The following ADCYAP1R1 variants were observed in gnomAD, a reference collection of about 807,000 sequenced individuals.
ADCYAP1R1 encodes ADCYAP receptor type I.
Under a neutral mutation model 67.6 loss-of-function variants are expected in ADCYAP1R1, and 44 were observed. The ratio of observed to expected loss-of-function variants is 0.65; its 90% CI spans 0.51 to 0.84. The LOEUF (loss-of-function observed/expected upper bound fraction) is 0.84, where lower values mean the gene tolerates loss of function less well. Among genes scored for constraint, ADCYAP1R1 ranks in the 40% least tolerant of loss-of-function variants. The pLI is 0.00. For missense variants in ADCYAP1R1, 477 were observed against 587.9 expected, an observed-to-expected ratio of 0.81 and a Z score of 1.95; for synonymous variants, 222 against 219.6, an observed-to-expected ratio of 1.01 and a Z score of -0.10.
chr7:31,094,054 G>C (rs1223986539), intron 13 of ADCYAP1R1, among the ~76,000 whole-genome samples: 1 of 152,174 alleles, frequency 6.6e-6, no homozygotes, highest in Non-Finnish European at 1.5e-5. Context: ...TGGGGGACTA[G>C]CACAGGGCCT....
intron 13 of ADCYAP1R1, among the ~76,000 whole-genome samples, chr7:31,098,205 C>T (rs946817975): frequency 6.6e-6 from 1 of 152,298 alleles, no homozygotes; most frequent in East Asian, 1.9e-4. Context: ...CTGAGACTAA[C>T]CAACTTTTCA....
In ADCYAP1R1 at chr7:31,104,904, G is replaced by A. The variant is rs1796577212; in HGVS notation, c.1213G>A (p.Gly405Ser). 1 of 1,614,064 alleles carries A rather than the reference G, an allele frequency of 6.2e-7. No individual in the cohort carries two copies. The change falls in exon 15 of 16, where the codon GGT becomes AGT. Residue 405 changes from glycine to serine, a missense_variant. Coordinates refer to ENST00000304166, the MANE Select transcript of ADCYAP1R1 (RefSeq NM_001118.5). The part of the protein sequence containing the change: ...VVAVLYCFLN[G>S]EVQAEIKRKW... Reference sequence around the variant, plus strand: ...GGCTGTTCTCTACTGTTTTCTGAATGGTGAGGTAAGACCTTGGCCCTCTGG... The same window carrying A: ...GGCTGTTCTCTACTGTTTTCTGAATAGTGAGGTAAGACCTTGGCCCTCTGG...
chr7:31,084,215 G>C lies in ADCYAP1R1; in HGVS notation c.403G>C (p.Gly135Arg). Reference protein sequence around the residue: ...EPFPHYFDACGFDEYESETGD... With the variant: ...EPFPHYFDACRFDEYESETGD... ...CTTCCCTCATTACTTTGATGCCTGT[G>C]GGTTTGATGAATATGAATCTGAGAC... Residue 135 changes from glycine (G) to arginine (R), a missense_variant, in exon 7 of 16, where the codon GGG becomes CGG. Gly to Arg is a moderately radical substitution (Grantham distance 125, BLOSUM62 -2). Transcript: ENST00000304166. The C allele has an allele frequency of 6.2e-7, 1 of 1,614,152 alleles. No homozygotes were observed. Among genetic ancestry groups the C allele is most frequent in the Non-Finnish European group, 8.5e-7 (1 of 1,180,032 alleles).
At position 31,102,690 on chromosome 7, in the gene ADCYAP1R1, G is replaced by T. The variant is rs879745899; in HGVS notation, c.1047-547G>T. 6.6e-6 allele frequency among the ~76,000 whole-genome samples: 1 copy of T among 152,060 alleles called. No individual in the cohort carries two copies. Among genetic ancestry groups the T allele is most frequent in the African/African-American group, 2.4e-5 (1 of 41,410 alleles). On this transcript the variant is annotated intron_variant, in intron 13 of 15. Coordinates refer to ENST00000304166, the MANE Select transcript of ADCYAP1R1 (RefSeq NM_001118.5). This position sits in a 1 kb window ranked among gnomAD's most constrained non-coding sequence, Gnocchi z 4.3. ...GTAAGTTCCTCCTAGAATCCCTCCC[G>T]AGTTTCTTCCTCTGTGATCCACTCA...
At chr7:31,071,029 C>T (rs1027099875) in intron 3 of ADCYAP1R1, among the ~76,000 whole-genome samples, 2 of 152,142 alleles carry the variant, frequency 1.3e-5, no homozygotes, top group Admixed American at 6.5e-5. Context: ...TTGTTTTTAC[C>T]CTTAGATTGC....
At chr7:31,099,235 G>A (rs1459343764) in intron 13 of ADCYAP1R1, among the ~76,000 whole-genome samples, 1 of 152,170 alleles carries the variant, frequency 6.6e-6, no homozygotes, top group Non-Finnish European at 1.5e-5. Context: ...GTGCCCAAAG[G>A]TGCTCCTCTC....
chr7:31,077,826 GTGTT>G (rs1196139387), intron 3 of ADCYAP1R1, among the ~76,000 whole-genome samples, 161 bp from the exon 4 acceptor site: 3 of 142,070 alleles, frequency 2.1e-5, no homozygotes, highest in South Asian at 2.2e-4. Flanking sequence ...TGTGTGATGT[GTGTT>G]TGTTGGTGTT....
intron 13 of ADCYAP1R1, among the ~76,000 whole-genome samples, chr7:31,099,008 C>A (rs1796327130): frequency 6.6e-6 from 1 of 152,216 alleles, no homozygotes; most frequent in Admixed American, 6.5e-5. Context: ...TACAGCTCAT[C>A]ATCTATCTCT....
intron 3 of ADCYAP1R1, among the ~76,000 whole-genome samples, chr7:31,066,773 G>A (rs1794755292): frequency 6.6e-6 from 1 of 152,206 alleles, no homozygotes; most frequent in Admixed American, 6.5e-5. Flanking sequence ...CCTTGAGCTA[G>A]GCCCAAGGGA....
At chr7:31,099,998 C>T (rs1191874342) in intron 13 of ADCYAP1R1, 1 of 863,214 alleles carries the variant, frequency 1.2e-6, no homozygotes, top group African/African-American at 1.7e-5. Context: ...TTGGCTCCCT[C>T]ATTCTCCTCC....
intron 12 of ADCYAP1R1, among the ~76,000 whole-genome samples, chr7:31,088,283 G>A (rs183100769): frequency 5.3e-5 from 8 of 152,104 alleles, no homozygotes; most frequent in African/African-American, 1.4e-4. Context: ...GATTTTATTA[G>A]TTACAGTTTA....
At chr7:31,090,861 A>T (rs922795154) in intron 12 of ADCYAP1R1, among the ~76,000 whole-genome samples, 1 of 152,228 alleles carries the variant, frequency 6.6e-6, no homozygotes, top group Admixed American at 6.5e-5. Context: ...GCTACTGTGA[A>T]TAGTGCTGTG....
intron 3 of ADCYAP1R1, among the ~76,000 whole-genome samples, chr7:31,067,885 C>T (rs1357722282): frequency 6.6e-6 from 1 of 152,212 alleles, no homozygotes; most frequent in Non-Finnish European, 1.5e-5. Flanking sequence ...TAGGAGCTGT[C>T]ATCTTGGAGT....
At chr7:31,100,782 C>T (rs1796403909) in intron 13 of ADCYAP1R1, among the ~76,000 whole-genome samples, 2 of 152,300 alleles carry the variant, frequency 1.3e-5, no homozygotes, top group South Asian at 4.1e-4. Context: ...AGGATTTGAA[C>T]CCAGAGAATC....
chr7:31,081,655 A>G, intron 5 of ADCYAP1R1, 58 bp from the exon 6 acceptor site: 1 of 1,421,904 alleles, frequency 7.0e-7, no homozygotes, highest in South Asian at 1.4e-5. Flanking sequence ...GTGGAGAGTA[A>G]ACAGTAGCTA....
In ADCYAP1R1 at chr7:31,086,530, T is replaced by G. The variant is rs1184912694; in HGVS notation, c.816T>G (p.Ile272Met). 6.2e-7 allele frequency: 1 copy of G among 1,614,208 alleles called. No homozygotes were observed. Reference protein sequence around the residue: ...ERRYFYWYTIIGWGTPTVCVT... With the variant: ...ERRYFYWYTIMGWGTPTVCVT... ...GATACTTCTACTGGTACACCATCAT[T>G]GGCTGGGGTAGGTTCCTGGCTGTGG... Residue 272 changes from isoleucine (I) to methionine (M), a missense_variant, in exon 10 of 16, where the codon ATT becomes ATG. Coordinates refer to ENST00000304166, the MANE Select transcript of ADCYAP1R1 (RefSeq NM_001118.5). The surrounding 1 kb of genome is among the most constrained non-coding windows in gnomAD (Gnocchi z 5.0).
Position 31,108,946 on chromosome 7 carries a change from C to T in ADCYAP1R1, c.*2262C>T, listed in dbSNP as rs1404888444. On this transcript the variant is annotated 3_prime_UTR_variant, in exon 16 of 16. Transcript: ENST00000304166. ...TGATGTATAGATGCAGTCATATATA[C>T]CTTGCTGGGGTGGGGTGCCACCTCC... 6.6e-6 allele frequency: 1 copy of T among 152,162 alleles called. No homozygotes were observed. Among genetic ancestry groups the T allele is most frequent in the Non-Finnish European group, 1.5e-5 (1 of 68,034 alleles). The allele number at this position is 152,162 out of a possible 1,614,324, so 9.4% of individuals were successfully genotyped here.
rs117018998 is a variant in ADCYAP1R1 at position 31,080,850 on chromosome 7, C to T, written c.286+217C>T. On this transcript the variant is annotated intron_variant, in intron 5 of 15. Transcript: ENST00000304166. ...CACAGGAAGATGCACAACACAAGCA[C>T]GACCTCAGGTCCCTCACAGGCTTGT... Among the ~76,000 whole-genome samples, 1,270 of 152,284 alleles carry T rather than the reference C, an allele frequency of 8.3e-3. 36 individuals carry two copies. The highest frequency in any genetic ancestry group is 0.019 in the East Asian group (100 of 5,160).
At chr7:31,067,032 G>A (rs1009897021) in intron 3 of ADCYAP1R1, among the ~76,000 whole-genome samples, 5 of 152,140 alleles carry the variant, frequency 3.3e-5, no homozygotes, top group Non-Finnish European at 5.9e-5. Context: ...AACAGTGGCC[G>A]GCTCCCACTG....
Sources: allele counts gnomAD v4.1 joint callset (sites outside exome capture counted in the v4.1 genomes callset), GRCh38; gene constraint gnomAD v4.1.1; non-coding constraint Gnocchi (gnomAD v3.1); transcripts MANE v1.5; gene names NCBI Gene and HGNC (gene_info 2026-07-23, HGNC 2026-07-21).